Variants in PKP4 observed in about 807,000 individuals in gnomAD.
PKP4 encodes the protein plakophilin 4, also known as plakophilin-4.
In PKP4, 90 loss-of-function variants were observed where a neutral mutation model predicts 145.1. That is an observed-to-expected ratio of 0.62 (90% CI 0.52 to 0.74). The LOEUF (loss-of-function observed/expected upper bound fraction) is 0.74, where lower values mean the gene tolerates loss of function less well. Among genes scored for constraint, PKP4 ranks in the 30% least tolerant of loss-of-function variants. The pLI is 0.00. For synonymous variants in PKP4, 563 were observed against 577.2 expected, an observed-to-expected ratio of 0.98 and a Z score of 0.35; for missense variants, 1,340 against 1,482.7, an observed-to-expected ratio of 0.90 and a Z score of 1.58.
chr2:158,505,189 C>A (rs1269023965), intron 1 of PKP4, among the ~76,000 whole-genome samples: 1 of 152,136 alleles, frequency 6.6e-6, no homozygotes, highest in Non-Finnish European at 1.5e-5. Context: ...ACTTTGTTAG[C>A]CATACAGGTA....
At chr2:158,601,846 A>C (rs2050258026) in intron 3 of PKP4, among the ~76,000 whole-genome samples, 1 of 152,170 alleles carries the variant, frequency 6.6e-6, no homozygotes, top group Non-Finnish European at 1.5e-5. Flanking sequence ...GACTTGGGGA[A>C]AGTATCAAGG....
chr2:158,494,264 G>T (rs1695364601), intron 1 of PKP4, among the ~76,000 whole-genome samples: 2 of 151,648 alleles, frequency 1.3e-5, no homozygotes, highest in Non-Finnish European at 2.9e-5. Context: ...TTTACTTATG[G>T]AGGGGAAAAT....
chr2:158,598,375 C>T (rs994740151), intron 3 of PKP4, among the ~76,000 whole-genome samples: 2 of 152,140 alleles, frequency 1.3e-5, no homozygotes, highest in Admixed American at 1.3e-4. Context: ...CCTCTCCTAG[C>T]GTTTACCTAC....
chr2:158,523,732 GA>G (rs1348415176), intron 1 of PKP4, among the ~76,000 whole-genome samples: 1 of 122,504 alleles, frequency 8.2e-6, no homozygotes, highest in Non-Finnish European at 1.6e-5. Flanking sequence ...TAAAAACTTT[GA>G]AAAAAATTTA....
At chr2:158,544,254 C>T (rs1172038343) in intron 2 of PKP4, among the ~76,000 whole-genome samples, 1 of 152,134 alleles carries the variant, frequency 6.6e-6, no homozygotes, top group Non-Finnish European at 1.5e-5. Flanking sequence ...AATTAGTTGA[C>T]TGCCTATTAC....
chr2:158,641,292 C>A (rs2054260425), intron 10 of PKP4, among the ~76,000 whole-genome samples: 1 of 149,440 alleles, frequency 6.7e-6, no homozygotes, highest in African/African-American at 2.5e-5. Context: ...GAGCCGAGAT[C>A]AAGCCACTGC....
At chr2:158,545,906 A>T (rs1011794313) in intron 2 of PKP4, among the ~76,000 whole-genome samples, 3 of 152,200 alleles carry the variant, frequency 2.0e-5, no homozygotes, top group African/African-American at 7.2e-5. Context: ...AGTGCCTTTT[A>T]AAAATATTTC....
chr2:158,586,077 C>T (rs987190061), intron 3 of PKP4, among the ~76,000 whole-genome samples: 1 of 152,080 alleles, frequency 6.6e-6, no homozygotes, highest in African/African-American at 2.4e-5. Flanking sequence ...TTCAAGGTTC[C>T]TCCATGTTGT....
At chr2:158,532,287 C>T (rs2043630973) in intron 1 of PKP4, among the ~76,000 whole-genome samples, 1 of 152,146 alleles carries the variant, frequency 6.6e-6, no homozygotes, top group South Asian at 2.1e-4. Flanking sequence ...GATAGGGTCT[C>T]TCGGGCATCT....
intron 7 of PKP4, among the ~76,000 whole-genome samples, chr2:158,627,449 G>A (rs1157193373): frequency 6.6e-6 from 1 of 152,076 alleles, no homozygotes; most frequent in East Asian, 1.9e-4. Context: ...TTTATGTCTT[G>A]GGGGGAAAAT....
At chr2:158,487,774 TGA>T (rs145563862) in intron 1 of PKP4, among the ~76,000 whole-genome samples, 37 of 134,536 alleles carry the variant, frequency 2.8e-4, no homozygotes, top group Middle Eastern at 3.6e-3. Flanking sequence ...AAAGAAAGAC[TGA>T]GAGAGAGAGA....
At chr2:158,533,574 C>A (rs572451658) in intron 2 of PKP4, 1 of 556,502 alleles carries the variant, frequency 1.8e-6, no homozygotes, top group South Asian at 1.6e-5. Context: ...CTCTGTCTCT[C>A]CCACATTGCA....
intron 1 of PKP4, among the ~76,000 whole-genome samples, chr2:158,481,460 C>T (rs1255074824): frequency 6.6e-6 from 1 of 152,114 alleles, no homozygotes; most frequent in Non-Finnish European, 1.5e-5. Context: ...TTTTGAGAAA[C>T]TCCCAAACTG....
intron 16 of PKP4, among the ~76,000 whole-genome samples, chr2:158,668,048 T>C (rs889558423): frequency 1.5e-4 from 23 of 152,332 alleles, no homozygotes; most frequent in African/African-American, 4.8e-4. Context: ...TGTGAAGTGC[T>C]AAGACCTTTG....
At chr2:158,674,271 T>G (rs1338251325) in intron 19 of PKP4, among the ~76,000 whole-genome samples, 1 of 152,160 alleles carries the variant, frequency 6.6e-6, no homozygotes, top group Non-Finnish European at 1.5e-5. Context: ...CCCTGAAACC[T>G]GCAGTTGACA....
intron 21 of PKP4, chr2:158,679,492 G>A (rs540890482): frequency 2.6e-5 from 4 of 152,316 alleles, no homozygotes; most frequent in Admixed American, 2.0e-4. Context: ...CTTGAAAGGA[G>A]AATTTAGCTC....
chr2:158,651,112 C>T (rs2055322338), intron 11 of PKP4, among the ~76,000 whole-genome samples: 1 of 152,180 alleles, frequency 6.6e-6, no homozygotes, highest in African/African-American at 2.4e-5. Flanking sequence ...ATCCCTGTCT[C>T]GTAATTGTTT....
Position 158,603,054 on chromosome 2 carries a change from CTTTCTT to C in PKP4, c.246-8_246-3del, listed in dbSNP as rs768505375. 3.7e-5 allele frequency: 54 copies of C among 1,452,926 alleles called. No individual in the cohort carries two copies. Among genetic ancestry groups the C allele is most frequent in the East Asian group, 2.0e-4 (8 of 41,006 alleles). 90.0% of individuals were successfully genotyped at this position (1,452,926 alleles called of 1,614,324 possible). The stretch of plus-strand genomic sequence containing the variant: ...AAATAAATAAATGTTCCATTTTTTT[CTTTCTT>C]TTTCTTTAGCTCAACTGAGAAGTCA... On this transcript the variant is annotated splice_polypyrimidine_tract_variant and intron_variant, in intron 3 of 21. Coordinates refer to ENST00000389759, the MANE Select transcript of PKP4 (RefSeq NM_003628.6).
intron 2 of PKP4, among the ~76,000 whole-genome samples, chr2:158,542,763 G>A (rs555016432): frequency 4.6e-5 from 7 of 152,078 alleles, no homozygotes; most frequent in Non-Finnish European, 1.0e-4. Flanking sequence ...TGCTATCTCT[G>A]TTCTCCTTAC....
Sources: allele counts gnomAD v4.1 joint callset (sites outside exome capture counted in the v4.1 genomes callset), GRCh38; gene constraint gnomAD v4.1.1; transcripts MANE v1.5; gene names NCBI Gene and HGNC (gene_info 2026-07-23, HGNC 2026-07-21).